ECE1: variants seen among roughly 807,000 people sequenced by gnomAD.
ECE1 encodes the protein endothelin-converting enzyme 1.
Under a neutral mutation model 98.6 loss-of-function variants are expected in ECE1, and 35 were observed. The ratio of observed to expected loss-of-function variants is 0.35; its 90% CI spans 0.27 to 0.47. ECE1 has a LOEUF of 0.47. ECE1 is among the 20% of genes least tolerant of loss of function. The pLI, the probability that ECE1 is intolerant of heterozygous loss-of-function variation, is 1.00. For missense variants in ECE1, 814 were observed against 1,025.3 expected (o/e 0.79, Z 2.81); for synonymous variants, 394 against 407.1 (o/e 0.97, Z 0.39).
At chr1:21,272,195 A>G (rs924747022) in intron 4 of ECE1, among the ~76,000 whole-genome samples, 9 of 152,160 alleles carry the variant, frequency 5.9e-5, no homozygotes, top group Non-Finnish European at 1.3e-4. Context: ...AGGTTCAGAG[A>G]TATGTGACTT....
chr1:21,278,325 CAG>C (rs2098249933), intron 3 of ECE1, among the ~76,000 whole-genome samples: 1 of 152,224 alleles, frequency 6.6e-6, no homozygotes, highest in African/African-American at 2.4e-5. Flanking sequence ...TAGTTGGAAA[CAG>C]AGAACCAGTC....
intron 9 of ECE1, among the ~76,000 whole-genome samples, chr1:21,246,742 T>C (rs1415260042): frequency 6.6e-6 from 1 of 152,122 alleles, no homozygotes; most frequent in African/African-American, 2.4e-5. Flanking sequence ...CTACAACCTC[T>C]GCCTCCTGAG....
chr1:21,248,455 T>C (rs1031743520), intron 8 of ECE1, among the ~76,000 whole-genome samples: 1 of 151,968 alleles, frequency 6.6e-6, no homozygotes, highest in African/African-American at 2.4e-5. Flanking sequence ...ATTATAGGCA[T>C]GAGCTACCGC....
intron 4 of ECE1, among the ~76,000 whole-genome samples, chr1:21,264,538 C>T (rs1185218210): frequency 6.6e-6 from 1 of 152,162 alleles, no homozygotes; most frequent in Non-Finnish European, 1.5e-5. Context: ...TGTTCTCAAA[C>T]TCCTGACCTC....
intron 1 of ECE1, among the ~76,000 whole-genome samples, chr1:21,328,636 G>A (rs767475773): frequency 6.6e-6 from 1 of 151,974 alleles, no homozygotes; most frequent in African/African-American, 2.4e-5. Flanking sequence ...GGTGGCGGGC[G>A]CCTGTGATCC....
chr1:21,297,788 C>T (rs1244563017), intron 1 of ECE1, among the ~76,000 whole-genome samples: 1 of 149,304 alleles, frequency 6.7e-6, no homozygotes, highest in Admixed American at 6.7e-5. Context: ...CCACCCACCT[C>T]CGCCTCCCAA....
intron 10 of ECE1, among the ~76,000 whole-genome samples, chr1:21,241,423 GTTT>G (rs1223983301): frequency 3.7e-5 from 5 of 133,362 alleles, no homozygotes; most frequent in Non-Finnish European, 3.2e-5. Flanking sequence ...TGGTTGAGGT[GTTT>G]TTTTTTTTTT....
At chr1:21,323,970 C>A (rs1009842823) in intron 1 of ECE1, among the ~76,000 whole-genome samples, 4 of 152,012 alleles carry the variant, frequency 2.6e-5, no homozygotes, top group Non-Finnish European at 5.9e-5. Flanking sequence ...CAGGTATGCA[C>A]CACCATGCCC....
chr1:21,238,109 C>T, intron 11 of ECE1, 25 bp downstream of exon 11: 2 of 1,603,958 alleles, frequency 1.2e-6, no homozygotes, highest in East Asian at 2.2e-5. Context: ...ACCTCACAGC[C>T]TGTGTCCACG....
intron 2 of ECE1, among the ~76,000 whole-genome samples, chr1:21,285,990 C>CA (rs3061092): frequency 0.071 from 4,843 of 68,532 alleles, 128 homozygotes; most frequent in African/African-American, 0.11. Context: ...GACTCTGTCT[C>CA]AAAAAAAAAA....
chr1:21,222,608 A>T (rs1211501594), intron 17 of ECE1, among the ~76,000 whole-genome samples: 1 of 152,234 alleles, frequency 6.6e-6, no homozygotes, highest in South Asian at 2.1e-4. Flanking sequence ...TGGAAGGCCC[A>T]GGCAGGTGGA....
upstream of ECE1, among the ~76,000 whole-genome samples, chr1:21,291,540 G>A (rs542700050): frequency 3.3e-4 from 50 of 152,304 alleles, no homozygotes; most frequent in African/African-American, 1.1e-3. Flanking sequence ...ATCTGGCTGA[G>A]GCCAGGCACC....
chr1:21,332,910 A>G (rs1447032974), intron 1 of ECE1, among the ~76,000 whole-genome samples: 1 of 151,972 alleles, frequency 6.6e-6, no homozygotes, highest in East Asian at 1.9e-4. Flanking sequence ...CAATTGGGAC[A>G]TGTGTCAACA....
chr1:21,239,720 G>A (rs1044509472), intron 10 of ECE1, among the ~76,000 whole-genome samples: 8 of 152,096 alleles, frequency 5.3e-5, no homozygotes, highest in Admixed American at 1.3e-4. Context: ...CTCAGAGGGC[G>A]CTGGACAAAT....
intron 1 of ECE1, among the ~76,000 whole-genome samples, chr1:21,326,688 T>C (rs1196760430): frequency 6.6e-6 from 1 of 152,064 alleles, no homozygotes; most frequent in Non-Finnish European, 1.5e-5. Flanking sequence ...TAAGAATCCA[T>C]TTAACTGAGC....
intron 8 of ECE1, among the ~76,000 whole-genome samples, 189 bp from the exon 9 acceptor site, chr1:21,247,552 A>T (rs2098205608): frequency 6.6e-6 from 1 of 152,192 alleles, no homozygotes; most frequent in South Asian, 2.1e-4. Flanking sequence ...AATTCTAAGG[A>T]GTCCAACACC....
Position 21,247,168 on chromosome 1 carries a change from A to C in ECE1, c.1163+53T>G, listed in dbSNP as rs2103263485. On this transcript the variant is annotated intron_variant, in intron 9 of 18. Transcript: ENST00000374893. ...ATCCCCACCCCTGCCCACCTGCCCA[A>C]GAAGAGGGCTGTCTGTGAGAGGCGT... is the stretch of plus-strand genomic sequence containing the variant. 3 of 1,613,340 alleles carry C rather than the reference A, an allele frequency of 1.9e-6. No individual in the cohort carries two copies. The East Asian group carries it at 6.7e-5, about 36-fold the overall frequency.
At chr1:21,250,157 A>C (rs747159830) in intron 8 of ECE1, among the ~76,000 whole-genome samples, 2 of 152,122 alleles carry the variant, frequency 1.3e-5, no homozygotes, top group South Asian at 2.1e-4. Flanking sequence ...CCACTCCTGG[A>C]AACTACCATT....
chr1:21,262,162 AG>A (rs1381608146), intron 4 of ECE1, among the ~76,000 whole-genome samples: 1 of 152,170 alleles, frequency 6.6e-6, no homozygotes, highest in Non-Finnish European at 1.5e-5. Context: ...GCTAGTCTGA[AG>A]GAAGACACAG....
Sources: allele counts gnomAD v4.1 joint callset (sites outside exome capture counted in the v4.1 genomes callset), GRCh38; gene constraint gnomAD v4.1.1; transcripts MANE v1.5; gene names NCBI Gene and HGNC (gene_info 2026-07-23, HGNC 2026-07-21).